PRDM6: variants seen among roughly 807,000 people sequenced by gnomAD.
PRDM6 encodes putative histone-lysine N-methyltransferase PRDM6.
A neutral mutation model predicts 60.8 loss-of-function variants in PRDM6; 25 were observed. The ratio of observed to expected loss-of-function variants is 0.41; its 90% CI spans 0.30 to 0.57. The LOEUF (loss-of-function observed/expected upper bound fraction) is 0.57. Among genes scored for constraint, PRDM6 ranks in the 20% least tolerant of loss-of-function variants. The pLI is 0.27. For missense variants in PRDM6, 839 were observed against 821.3 expected, an observed-to-expected ratio of 1.02 and a Z score of -0.26; for synonymous variants, 407 against 357.4, an observed-to-expected ratio of 1.14 and a Z score of -1.57.
intron 5 of PRDM6, among the ~76,000 whole-genome samples, chr5:123,163,311 C>A (rs979100028): frequency 2.0e-5 from 3 of 152,224 alleles, no homozygotes; most frequent in African/African-American, 7.2e-5. Flanking sequence ...TAAGCACTTT[C>A]ACTTATAAAA....
At chr5:123,096,053 A>G (rs1289208407) in intron 2 of PRDM6, among the ~76,000 whole-genome samples, 4 of 25,770 alleles carry the variant, frequency 1.6e-4, no homozygotes. Context: ...GGAGGCGAAC[A>G]AGTCTGTAAC....
chr5:123,180,150 C>T lies in PRDM6; in HGVS notation c.1500C>T (p.Pro500=). Residue 500 remains proline, a synonymous_variant, in exon 7 of 8, where the codon CCC becomes CCT. Transcript: ENST00000407847. ...ACAGTCTGTTTATTTGTTTCAGACC[C>T]TACCAATGCGGCCACTGCTCCCAGT... The part of the protein sequence containing the change: ...MHVCTQNPDR[P]YQCGHCSQSF... 1 of 1,547,858 alleles carries T rather than the reference C, an allele frequency of 6.5e-7. No homozygotes were observed. Among genetic ancestry groups the T allele is most frequent in the Non-Finnish European group, 8.7e-7 (1 of 1,144,304 alleles).
chr5:123,152,580 G>A (rs1023704865), intron 3 of PRDM6, among the ~76,000 whole-genome samples: 1 of 152,186 alleles, frequency 6.6e-6, no homozygotes, highest in Non-Finnish European at 1.5e-5. Context: ...ATGGTATTAT[G>A]CTTATGTTAA....
intron 3 of PRDM6, among the ~76,000 whole-genome samples, chr5:123,135,785 A>G (rs868846707): frequency 6.6e-6 from 1 of 152,308 alleles, no homozygotes; most frequent in African/African-American, 2.4e-5. Flanking sequence ...ATTCCTAAGA[A>G]TGTATTCATA....
intron 3 of PRDM6, among the ~76,000 whole-genome samples, chr5:123,135,137 AG>A (rs1436128892): frequency 6.6e-6 from 1 of 152,210 alleles, no homozygotes; most frequent in African/African-American, 2.4e-5. Flanking sequence ...TGGTTTACAT[AG>A]GCCGGAAACT....
chr5:123,193,980 T>C lies in PRDM6; in HGVS notation c.*6779T>C, dbSNP rs908415494. Reference sequence around the variant, plus strand: ...ATGAGAAGAATCTCACTGTGGGTGATAAGGAGTGTGTAGTTTGCTGTAAGG... The same window carrying C: ...ATGAGAAGAATCTCACTGTGGGTGACAAGGAGTGTGTAGTTTGCTGTAAGG... On this transcript the variant is annotated 3_prime_UTR_variant, in exon 8 of 8. Coordinates refer to ENST00000407847, the MANE Select transcript of PRDM6 (RefSeq NM_001136239.4). 2 of 152,104 alleles carry C rather than the reference T, an allele frequency of 1.3e-5. No homozygotes were observed. The highest frequency in any genetic ancestry group is 4.8e-5 in the African/African-American group (2 of 41,394). 9.4% of individuals were successfully genotyped at this position (152,104 alleles called of 1,614,324 possible).
rs1025252366 is a variant in PRDM6, at chr5:123,189,824, A to G, written c.*2623A>G. ...TCCACAAAGACAGGCTTACACCTGG[A>G]CATTGACTTGGAACCCTGAAGCAGG... On this transcript the variant is annotated 3_prime_UTR_variant, in exon 8 of 8. Coordinates refer to ENST00000407847, the MANE Select transcript of PRDM6 (RefSeq NM_001136239.4). 2.0e-5 allele frequency: 3 copies of G among 152,246 alleles called. No individual in the cohort carries two copies. The highest frequency in any genetic ancestry group is 1.3e-4 in the Admixed American group (2 of 15,282). The allele number at this position is 152,246 out of a possible 1,614,324, so 9.4% of individuals were successfully genotyped here.
chr5:123,152,972 A>T (rs935231498), intron 3 of PRDM6, among the ~76,000 whole-genome samples: 3 of 152,232 alleles, frequency 2.0e-5, no homozygotes, highest in African/African-American at 7.2e-5. Flanking sequence ...TAAACAGGTA[A>T]GAATTAGGTC....
At chr5:123,184,922 C>T (rs77759344) in intron 7 of PRDM6, among the ~76,000 whole-genome samples, 9,455 of 152,140 alleles carry the variant, frequency 0.062, 417 homozygotes, top group Non-Finnish European at 0.086. Flanking sequence ...AATTTCTACA[C>T]GTTTGCTTGT....
intron 3 of PRDM6, among the ~76,000 whole-genome samples, chr5:123,116,209 A>T (rs967210911): frequency 6.6e-6 from 1 of 152,160 alleles, no homozygotes. Context: ...GGAGCTTTCC[A>T]TCTGTCCAAA....
intron 3 of PRDM6, among the ~76,000 whole-genome samples, chr5:123,112,393 C>T (rs1764333356): frequency 1.3e-5 from 2 of 152,200 alleles, no homozygotes; most frequent in African/African-American, 4.8e-5. Flanking sequence ...GATTTGCAGT[C>T]TGTTAATTTT....
intron 3 of PRDM6, among the ~76,000 whole-genome samples, chr5:123,136,941 C>T (rs1764971455): frequency 6.6e-6 from 1 of 152,220 alleles, no homozygotes; most frequent in South Asian, 2.1e-4. Context: ...ACTCTGCAAC[C>T]AAGCTCTTGG....
rs533819408 is a variant in PRDM6 at position 123,109,486 on chromosome 5, TTGTA to T, written c.900+9531_900+9534del. 7.2e-5 allele frequency among the ~76,000 whole-genome samples: 11 copies of T among 152,296 alleles called. No homozygotes were observed. In the East Asian group the frequency reaches 1.9e-3, roughly 27 times the overall value. ...TATCATTATTTGATAAAACAAAAGA[TTGTA>T]TGTATTAATGGTAGACCATGATACA... On this transcript the variant is annotated intron_variant, in intron 3 of 7. Coordinates refer to ENST00000407847, the MANE Select transcript of PRDM6 (RefSeq NM_001136239.4).
chr5:123,177,294 A>G (rs1217709495), intron 6 of PRDM6, among the ~76,000 whole-genome samples: 1 of 152,234 alleles, frequency 6.6e-6, no homozygotes, highest in Non-Finnish European at 1.5e-5. Flanking sequence ...TTGTCTACTT[A>G]CAGTGTAACT....
At chr5:123,111,687 G>GAAAAC (rs1554085988) in intron 3 of PRDM6, among the ~76,000 whole-genome samples, 3 of 109,828 alleles carry the variant, frequency 2.7e-5, no homozygotes, top group African/African-American at 5.9e-5. Flanking sequence ...GACAGAGCGA[G>GAAAAC]AAAACAAAAC....
Position 123,090,413 on chromosome 5 carries a change from C to A in PRDM6, c.399C>A (p.Pro133=). 1 of 1,458,054 alleles carries A rather than the reference C, an allele frequency of 6.9e-7. No homozygotes were observed. The allele number at this position is 1,458,054 out of a possible 1,614,324, so 90.3% of individuals were successfully genotyped here. A position where few individuals can be genotyped will look rare whatever the true frequency, so the allele number is the denominator to read the frequency against. ...CTGCCGTCGCCGCCGAGCCGCTGCC[C>A]CCCAAGGAACTGTGCCTCGGCGCCA... ...AAAAVAAEPL[P]PKELCLGATS... The change falls in exon 2 of 8, where the codon CCC becomes CCA. Residue 133 remains proline, a synonymous_variant. Coordinates refer to ENST00000407847, the MANE Select transcript of PRDM6 (RefSeq NM_001136239.4).
At chr5:123,094,120 G>C (rs1404116662) in intron 2 of PRDM6, among the ~76,000 whole-genome samples, 1 of 152,104 alleles carries the variant, frequency 6.6e-6, no homozygotes, top group African/African-American at 2.4e-5. Flanking sequence ...GAGAGGGGCT[G>C]GGGAGAGAAA....
chr5:123,188,879 C>A lies in PRDM6; in HGVS notation c.*1678C>A, dbSNP rs555521372. 1.3e-5 allele frequency: 2 copies of A among 152,074 alleles called. No homozygotes were observed. The highest frequency in any genetic ancestry group is 4.8e-5 in the African/African-American group (2 of 41,416). 9.4% of individuals were successfully genotyped at this position (152,074 alleles called of 1,614,324 possible). ...CATTTTAAATGGAATTCAACAGGGT[C>A]TAATTAATAAGTGTTTACAGTTATT... On this transcript the variant is annotated 3_prime_UTR_variant, in exon 8 of 8. Coordinates refer to ENST00000407847, the MANE Select transcript of PRDM6 (RefSeq NM_001136239.4).
chr5:123,145,067 C>T (rs921220387), intron 3 of PRDM6, among the ~76,000 whole-genome samples: 1 of 152,192 alleles, frequency 6.6e-6, no homozygotes, highest in East Asian at 1.9e-4. Context: ...AGATTTTATC[C>T]TTGCCCTCAT....
Sources: gnomAD v4.1 joint callset for allele counts (sites outside exome capture counted in the v4.1 genomes callset) on GRCh38, gnomAD v4.1.1 for gene constraint, MANE v1.5 for transcripts, NCBI Gene and HGNC (gene_info 2026-07-23, HGNC 2026-07-21) for gene names.